EXOG: variants seen among roughly 807,000 people sequenced by gnomAD.
EXOG encodes the protein exo/endonuclease G.
In EXOG, 27 loss-of-function variants were observed where a neutral mutation model predicts 25.8. That is an observed-to-expected ratio of 1.05 (90% CI 0.77 to 1.45). EXOG has a LOEUF of 1.45. EXOG is among the 40% of genes most tolerant of loss of function. The pLI is 0.00. For missense variants in EXOG, 458 were observed against 450.5 expected, an observed-to-expected ratio of 1.02 and a Z score of -0.15; for synonymous variants, 133 against 167.0, an observed-to-expected ratio of 0.80 and a Z score of 1.57.
intron 5 of EXOG, among the ~76,000 whole-genome samples, chr3:38,520,751 TTC>T (rs1270674523): frequency 6.6e-6 from 1 of 152,240 alleles, no homozygotes; most frequent in African/African-American, 2.4e-5. Flanking sequence ...TTCATAACAA[TTC>T]TATGAGAGAG....
chr3:38,520,285 A>G (rs905194618), intron 5 of EXOG, among the ~76,000 whole-genome samples: 1 of 152,102 alleles, frequency 6.6e-6, no homozygotes, highest in African/African-American at 2.4e-5. Context: ...AACTAGCTTC[A>G]GGTTGCGAAT....
rs965739456 is a variant in EXOG at position 38,524,424 on chromosome 3, C to T, written c.*62C>T. 8.6e-6 allele frequency: 13 copies of T among 1,510,342 alleles called. No homozygotes were observed. In the Middle Eastern group the frequency reaches 7.1e-4, roughly 82 times the overall value. 93.6% of individuals were successfully genotyped at this position (1,510,342 alleles called of 1,614,324 possible). A position where few individuals can be genotyped will look rare whatever the true frequency, so the allele number is the denominator to read the frequency against. ...AGCAGGCATGCCCTCTTTAGGCTAA[C>T]ATATTTTAGTGGCTTTGCTTTTTGC... On this transcript the variant is annotated 3_prime_UTR_variant, in exon 6 of 6. Transcript: ENST00000287675.
At chr3:38,517,363 C>G (rs1453140325) in intron 5 of EXOG, among the ~76,000 whole-genome samples, 1 of 152,204 alleles carries the variant, frequency 6.6e-6, no homozygotes, top group Admixed American at 6.5e-5. Flanking sequence ...CCAGTGTCTC[C>G]TGTGTCCTTT....
Position 38,525,232 on chromosome 3 carries a change from G to A in EXOG, c.*870G>A, listed in dbSNP as rs141492083. 7.3e-3 allele frequency: 7,185 copies of A among 983,744 alleles called. 25 individuals are homozygous for A. Among genetic ancestry groups the A allele is most frequent in the Admixed American group, 0.014 (226 of 16,278 alleles). 60.9% of individuals were successfully genotyped at this position (983,744 alleles called of 1,614,324 possible). On this transcript the variant is annotated 3_prime_UTR_variant, in exon 6 of 6. Coordinates refer to ENST00000287675, the MANE Select transcript of EXOG (RefSeq NM_005107.4). The stretch of plus-strand genomic sequence containing the variant: ...GCTTAGAGAGCTTAGTGTCTTACCT[G>A]AGTTTCACTTTTCCAAAGTAGTCAT...
In EXOG at chr3:38,523,956, C is replaced by T. The variant is rs755253280; in HGVS notation, c.701C>T (p.Ala234Val). The change falls in exon 6 of 6, where the codon GCC becomes GTC. Residue 234 changes from alanine to valine, a missense_variant. By Grantham distance (64) the Ala-to-Val change is moderately conservative. Transcript: ENST00000287675. ...TCACACCTTTATAAGGTAATCCTGG[C>T]CCGCAGAAGCTCAGTATCTACCGAA... ...VPSHLYKVILARRSSVSTEPL... is the reference protein window; with the variant it reads ...VPSHLYKVILVRRSSVSTEPL... The T allele has an allele frequency of 1.9e-6, 3 of 1,604,584 alleles. No homozygotes were observed. The Admixed American group carries it at 5.1e-5, about 27-fold the overall frequency.
intron 5 of EXOG, among the ~76,000 whole-genome samples, chr3:38,511,906 C>T (rs1246873141): frequency 6.6e-6 from 1 of 152,164 alleles, no homozygotes; most frequent in Non-Finnish European, 1.5e-5. Context: ...ATATTAGCTA[C>T]TATTACTCCT....
At chr3:38,521,360 A>G (rs1559699405) in intron 5 of EXOG, among the ~76,000 whole-genome samples, 1 of 152,228 alleles carries the variant, frequency 6.6e-6, no homozygotes, top group Non-Finnish European at 1.5e-5. Context: ...TTAAACACCT[A>G]TAGAAATGGT....
chr3:38,521,842 C>A (rs905502190), intron 5 of EXOG, among the ~76,000 whole-genome samples: 4 of 152,210 alleles, frequency 2.6e-5, no homozygotes, highest in African/African-American at 9.7e-5. Context: ...GAGGCACCAG[C>A]TGCATATACT....
At chr3:38,517,340 G>T (rs946665045) in intron 5 of EXOG, among the ~76,000 whole-genome samples, 7 of 152,202 alleles carry the variant, frequency 4.6e-5, no homozygotes, top group African/African-American at 1.7e-4. Flanking sequence ...GATTTAGCCA[G>T]TGGGAGCTCC....
chr3:38,505,311 C>G (rs887637944), intron 4 of EXOG, among the ~76,000 whole-genome samples: 1 of 150,876 alleles, frequency 6.6e-6, no homozygotes, highest in African/African-American at 2.4e-5. Flanking sequence ...TGTTGAAGAT[C>G]TAGGATGTTT....
Position 38,524,865 on chromosome 3 carries a change from G to C in EXOG, c.*503G>C. 2.0e-6 allele frequency: 2 copies of C among 986,326 alleles called. No individual in the cohort carries two copies. Among genetic ancestry groups the C allele is most frequent in the Non-Finnish European group, 2.4e-6 (2 of 830,696 alleles). The allele number at this position is 986,326 out of a possible 1,614,324, so 61.1% of individuals were successfully genotyped here. A position where few individuals can be genotyped will look rare whatever the true frequency, so the allele number is the denominator to read the frequency against. ...AGAGTATTGGGAAGGCATTTGTTTAGTTTCATGCCTCCAAACCATGCATTG... is the reference window on the plus strand; with the variant it reads ...AGAGTATTGGGAAGGCATTTGTTTACTTTCATGCCTCCAAACCATGCATTG... On this transcript the variant is annotated 3_prime_UTR_variant, in exon 6 of 6. Coordinates refer to ENST00000287675, the MANE Select transcript of EXOG (RefSeq NM_005107.4).
At chr3:38,509,453 A>G (rs1026442428) in intron 5 of EXOG, among the ~76,000 whole-genome samples, 3 of 152,232 alleles carry the variant, frequency 2.0e-5, no homozygotes, top group African/African-American at 4.8e-5. Context: ...TAAAAATAGA[A>G]CTGATAAAAA....
At chr3:38,508,780 C>T (rs2060282576) in intron 5 of EXOG, among the ~76,000 whole-genome samples, 1 of 149,860 alleles carries the variant, frequency 6.7e-6, no homozygotes, top group South Asian at 2.1e-4. Context: ...TATTATCAGC[C>T]TGTCTAGATC....
In EXOG at chr3:38,506,843, T is replaced by C. The variant is rs747616568; in HGVS notation, c.531-11T>C. On this transcript the variant is annotated splice_polypyrimidine_tract_variant and intron_variant, in intron 4 of 5. Transcript: ENST00000287675. ...GTGAGAATATCATACATTTTTTTAT[T>C]TGTTTTTCAGAATAGAAATGTACTG... is the stretch of plus-strand genomic sequence containing the variant. The C allele has an allele frequency of 2.2e-6, 3 of 1,364,074 alleles. No individual in the cohort carries two copies. The highest frequency in any genetic ancestry group is 3.6e-4 in the Middle Eastern group (2 of 5,572). 84.5% of individuals were successfully genotyped at this position (1,364,074 alleles called of 1,614,324 possible). A position where few individuals can be genotyped will look rare whatever the true frequency, so the allele number is the denominator to read the frequency against.
At chr3:38,503,957 A>T (rs2060123868) in intron 4 of EXOG, among the ~76,000 whole-genome samples, 1 of 152,184 alleles carries the variant, frequency 6.6e-6, no homozygotes, top group Non-Finnish European at 1.5e-5. Context: ...TCAAAATAAT[A>T]ATCTTAATAA....
Position 38,505,890 on chromosome 3 carries a change from C to T in EXOG, c.531-964C>T, listed in dbSNP as rs529836142. ...CTGAGGCAGGAGAATCGCTTAAACC[C>T]AGGAGATGGAGGTTGCAGTGAGCTG... On this transcript the variant is annotated intron_variant, in intron 4 of 5. Transcript: ENST00000287675. 1.9e-4 allele frequency among the ~76,000 whole-genome samples: 29 copies of T among 151,626 alleles called. No homozygotes were observed. The South Asian group carries it at 2.3e-3, about 12-fold the overall frequency.
intron 5 of EXOG, among the ~76,000 whole-genome samples, chr3:38,511,440 C>A (rs895288649): frequency 6.6e-6 from 1 of 152,162 alleles, no homozygotes; most frequent in African/African-American, 2.4e-5. Flanking sequence ...TTCATTTATA[C>A]TGAAATTAGG....
intron 5 of EXOG, chr3:38,523,122 G>A: frequency 1.0e-6 from 1 of 980,070 alleles, no homozygotes; most frequent in Non-Finnish European, 1.4e-6. Flanking sequence ...AGGGCTATCT[G>A]TTTAGTTCCC....
intron 5 of EXOG, among the ~76,000 whole-genome samples, chr3:38,515,139 C>T (rs941558967): frequency 6.6e-6 from 1 of 152,082 alleles, no homozygotes; most frequent in Non-Finnish European, 1.5e-5. Flanking sequence ...CTGGAAGAGT[C>T]AATGGATGAT....
Sources: gnomAD v4.1 joint callset for allele counts (sites outside exome capture counted in the v4.1 genomes callset) on GRCh38, gnomAD v4.1.1 for gene constraint, MANE v1.5 for transcripts, NCBI Gene and HGNC (gene_info 2026-07-23, HGNC 2026-07-21) for gene names.